TOGARAM1: variants seen among roughly 807,000 people sequenced by gnomAD.
TOGARAM1 encodes the protein TOG array regulator of axonemal microtubules 1, also known as TOG array regulator of axonemal microtubules protein 1.
In TOGARAM1, 100 loss-of-function variants were observed where a neutral mutation model predicts 166.6. The ratio of observed to expected loss-of-function variants is 0.60; its 90% CI spans 0.51 to 0.71. The LOEUF (loss-of-function observed/expected upper bound fraction) is 0.71, where lower values mean the gene tolerates loss of function less well. Ranked by LOEUF, TOGARAM1 falls within the 30% of genes least tolerant of loss-of-function variation. The probability of loss-of-function intolerance (pLI) is 0.00; values close to 1 mark genes in which losing one functional copy is unlikely to be tolerated. For synonymous variants in TOGARAM1, 758 were observed against 763.8 expected, an observed-to-expected ratio of 0.99 and a Z score of 0.13; for missense variants, 2,029 against 2,102.7, an observed-to-expected ratio of 0.96 and a Z score of 0.69.
At chr14:45,063,764 C>T (rs1398988638) in intron 16 of TOGARAM1, among the ~76,000 whole-genome samples, 2 of 152,198 alleles carry the variant, frequency 1.3e-5, no homozygotes, top group Non-Finnish European at 2.9e-5. Context: ...AGGCGTGAGC[C>T]ACTGGCTTCT....
intron 2 of TOGARAM1, 27 bp from the exon 3 acceptor site, chr14:44,999,336 T>G (rs190296663): frequency 6.6e-5 from 100 of 1,521,670 alleles, no homozygotes. Flanking sequence ...TTTGCTTTTA[T>G]GTTTTCTCCC....
At chr14:45,049,981 T>G (rs1594692938) in intron 14 of TOGARAM1, among the ~76,000 whole-genome samples, 1 of 152,200 alleles carries the variant, frequency 6.6e-6, no homozygotes, top group East Asian at 1.9e-4. Context: ...ACAATTAATT[T>G]TCGAGTTTTG....
Position 44,963,430 on chromosome 14 carries a change from T to C in TOGARAM1, c.1009T>C (p.Cys337Arg). 6.2e-7 allele frequency: 1 copy of C among 1,614,228 alleles called. No homozygotes were observed. The highest frequency in any genetic ancestry group is 8.5e-7 in the Non-Finnish European group (1 of 1,180,038). Residue 337 changes from cysteine to arginine, a missense_variant, in exon 1 of 20, where the codon TGT becomes CGT. By Grantham distance (180) the Cys-to-Arg change is radical. Transcript: ENST00000361462. ...TGGATTTCCTGAAGATCCCCTTCCCTGTGCAGTGACTCTTTCCAACAGCAA... is the reference window on the plus strand; with the variant it reads ...TGGATTTCCTGAAGATCCCCTTCCCCGTGCAGTGACTCTTTCCAACAGCAA... ...ASGFPEDPLP[C>R]AVTLSNSNLK...
intron 11 of TOGARAM1, among the ~76,000 whole-genome samples, chr14:45,041,887 C>A (rs1262763927): frequency 1.5e-4 from 23 of 152,216 alleles, no homozygotes; most frequent in Admixed American, 1.4e-3. Flanking sequence ...TTCAGCCACA[C>A]AAGTAGCTGT....
intron 1 of TOGARAM1, among the ~76,000 whole-genome samples, chr14:44,976,682 G>A (rs1240588779): frequency 6.6e-6 from 1 of 151,958 alleles, no homozygotes; most frequent in African/African-American, 2.4e-5. Flanking sequence ...GTTATTAAAT[G>A]TTTTAAACTT....
intron 11 of TOGARAM1, among the ~76,000 whole-genome samples, chr14:45,036,217 C>G (rs1170294458): frequency 6.7e-6 from 1 of 148,208 alleles, no homozygotes; most frequent in Non-Finnish European, 1.5e-5. Context: ...GAAGACATGG[C>G]AGTATTGCTT....
intron 16 of TOGARAM1, among the ~76,000 whole-genome samples, chr14:45,064,564 A>G (rs1594706656): frequency 6.6e-6 from 1 of 152,128 alleles, no homozygotes; most frequent in South Asian, 2.1e-4. Context: ...TCGACCTCCC[A>G]GGGCTCAAGT....
At chr14:44,977,488 G>A (rs1886268863) in intron 1 of TOGARAM1, among the ~76,000 whole-genome samples, 1 of 151,902 alleles carries the variant, frequency 6.6e-6, no homozygotes, top group African/African-American at 2.4e-5. Flanking sequence ...TGCCCGCCTT[G>A]GCCACCCAAA....
chr14:44,974,454 A>G (rs562043115), intron 1 of TOGARAM1, among the ~76,000 whole-genome samples: 4 of 152,238 alleles, frequency 2.6e-5, no homozygotes, highest in African/African-American at 9.6e-5. Flanking sequence ...ATAGTTTTAG[A>G]AAATTCTGGT....
At chr14:45,026,006 T>G in intron 8 of TOGARAM1, 134 bp downstream of exon 8, 1 of 516,286 alleles carries the variant, frequency 1.9e-6, no homozygotes, top group Non-Finnish European at 3.4e-6. Flanking sequence ...TACATTATCT[T>G]CATTAAAATA....
At chr14:44,984,872 CCTTGTATACATATTT>C (rs1480048875) in intron 1 of TOGARAM1, among the ~76,000 whole-genome samples, 3 of 152,082 alleles carry the variant, frequency 2.0e-5, no homozygotes, top group African/African-American at 7.2e-5. Flanking sequence ...ATATCGATTA[CCTTGTATACATATTT>C]CTATTTCCCT....
chr14:44,989,194 T>G (rs1043158903), intron 1 of TOGARAM1, among the ~76,000 whole-genome samples: 1 of 152,244 alleles, frequency 6.6e-6, no homozygotes, highest in African/African-American at 2.4e-5. Context: ...TTGAATTTTC[T>G]GTGTTTTTAA....
chr14:45,002,988 TAGAA>T (rs1232179346), intron 3 of TOGARAM1, among the ~76,000 whole-genome samples: 3 of 151,800 alleles, frequency 2.0e-5, no homozygotes, highest in Non-Finnish European at 4.4e-5. Flanking sequence ...CAAAAAAAAA[TAGAA>T]AGGAAATATT....
intron 1 of TOGARAM1, among the ~76,000 whole-genome samples, chr14:44,973,657 C>G (rs769649759): frequency 4.6e-5 from 7 of 151,208 alleles, no homozygotes; most frequent in Non-Finnish European, 8.9e-5. Flanking sequence ...TTCCTTTTCT[C>G]TGAAAAACTT....
chr14:45,002,524 G>A (rs1224662375), intron 3 of TOGARAM1, among the ~76,000 whole-genome samples: 1 of 152,124 alleles, frequency 6.6e-6, no homozygotes, highest in East Asian at 1.9e-4. Flanking sequence ...ATCTTTGAAG[G>A]ACCTATGGTA....
At chr14:44,997,301 G>A (rs950174495) in intron 2 of TOGARAM1, 1 of 150,116 alleles carries the variant, frequency 6.7e-6, no homozygotes, top group Non-Finnish European at 1.5e-5. Flanking sequence ...AACTACTCGA[G>A]AGGCTGAGGC....
At chr14:45,022,652 G>T (rs1054345853) in intron 7 of TOGARAM1, among the ~76,000 whole-genome samples, 2 of 151,346 alleles carry the variant, frequency 1.3e-5, no homozygotes, top group Non-Finnish European at 2.9e-5. Context: ...TCCTCATGAG[G>T]TTCCCCATTC....
At chr14:45,005,077 G>A (rs892032821) in intron 4 of TOGARAM1, among the ~76,000 whole-genome samples, 7 of 151,610 alleles carry the variant, frequency 4.6e-5, no homozygotes, top group South Asian at 4.2e-4. Context: ...CACCATGCCC[G>A]GCTAATTTTG....
chr14:44,992,838 C>G (rs560965672), intron 1 of TOGARAM1, among the ~76,000 whole-genome samples: 1 of 151,230 alleles, frequency 6.6e-6, no homozygotes, highest in African/African-American at 2.4e-5. Context: ...AGGATGGTCT[C>G]GATCTCCTGA....
Sources: allele counts gnomAD v4.1 joint callset (sites outside exome capture counted in the v4.1 genomes callset), GRCh38; gene constraint gnomAD v4.1.1; transcripts MANE v1.5; gene names NCBI Gene and HGNC (gene_info 2026-07-23, HGNC 2026-07-21).